Variants in FGF13 observed in about 807,000 individuals in gnomAD.
FGF13 encodes the protein fibroblast growth factor 13, also known as fibroblast growth factor homologous factor 2.
A neutral mutation model predicts 19.5 loss-of-function variants in FGF13; 2 were observed. The observed-to-expected ratio is 0.10, with a 90% CI of 0.04 to 0.32. The LOEUF (loss-of-function observed/expected upper bound fraction) is 0.32. Among genes scored for constraint, FGF13 ranks in the 10% least tolerant of loss-of-function variants. The pLI is 1.00. For synonymous variants in FGF13, 72 were observed against 76.9 expected, an observed-to-expected ratio of 0.94 and a Z score of 0.33; for missense variants, 113 against 192.7, an observed-to-expected ratio of 0.59 and a Z score of 2.45.
intron 1 of FGF13, among the ~76,000 whole-genome samples, chrX:138,709,259 G>A (rs889912023): frequency 3.6e-5 from 4 of 112,229 alleles, no homozygotes; most frequent in Non-Finnish European, 5.6e-5. Context: ...TTTTGAAATT[G>A]TGCTACTTTT....
Position 138,615,499 on chromosome X carries a change from G to GA in FGF13, c.*17350dup, listed in dbSNP as rs2088960282. The GA allele has an allele frequency of 9.0e-6, 1 of 111,020 alleles. No homozygotes were observed. The highest frequency in any genetic ancestry group is 3.3e-5 in the African/African-American group (1 of 30,501). The allele number at this position is 111,020 out of a possible 1,213,427, so 9.1% of individuals were successfully genotyped here. A position where few individuals can be genotyped will look rare whatever the true frequency, so the allele number is the denominator to read the frequency against. On this transcript the variant is annotated 3_prime_UTR_variant, in exon 5 of 5. Transcript: ENST00000315930. ...TCTTCATATGAAGATAAGGTATAGG[G>GA]AAGAGTCATATCTAGTATTTGGGAA... is the stretch of plus-strand genomic sequence containing the variant.
At chrX:139,101,289 G>C (rs889459301) in intron 1 of FGF13, among the ~76,000 whole-genome samples, 6 of 112,076 alleles carry the variant, frequency 5.4e-5, no homozygotes, top group African/African-American at 1.9e-4. Context: ...TTAATATTAT[G>C]GTTTCGTTAG....
At chrX:139,156,143 G>C (rs1384495890) in intron 1 of FGF13, among the ~76,000 whole-genome samples, 1 of 112,071 alleles carries the variant, frequency 8.9e-6, no homozygotes, top group Non-Finnish European at 1.9e-5. Context: ...TGTTTTGTCA[G>C]GGTTGAGCCC....
chrX:139,172,082 A>G (rs1300034486), intron 1 of FGF13, among the ~76,000 whole-genome samples: 2 of 112,297 alleles, frequency 1.8e-5, no homozygotes, highest in East Asian at 5.6e-4. Context: ...AACTAACTTC[A>G]TCAAGATATG....
intron 1 of FGF13, among the ~76,000 whole-genome samples, chrX:139,085,154 T>A (rs755702144): frequency 8.9e-6 from 1 of 112,027 alleles, no homozygotes; most frequent in East Asian, 2.8e-4. Flanking sequence ...CTTTCCAAGA[T>A]AACTGGTGCG....
At chrX:138,912,090 A>G (rs939282258) in intron 1 of FGF13, among the ~76,000 whole-genome samples, 4 of 111,353 alleles carry the variant, frequency 3.6e-5, no homozygotes, top group Non-Finnish European at 7.5e-5. Context: ...AAAAAATACT[A>G]AACCAGACAA....
intron 1 of FGF13, among the ~76,000 whole-genome samples, chrX:139,013,788 C>A (rs1245248663): frequency 9.2e-6 from 1 of 108,484 alleles, no homozygotes; most frequent in Non-Finnish European, 1.9e-5. Context: ...GTACACTGCT[C>A]GGGTGATGGG....
At chrX:138,792,394 G>GAAATAAAT (rs1191457460) in intron 3 of FGF13, among the ~76,000 whole-genome samples, 2 of 111,743 alleles carry the variant, frequency 1.8e-5, no homozygotes, top group African/African-American at 6.5e-5. Flanking sequence ...GCAGAGCCAG[G>GAAATAAAT]AAATAAACCC....
chrX:138,925,202 T>C (rs1012385606), intron 1 of FGF13, among the ~76,000 whole-genome samples: 1 of 111,879 alleles, frequency 8.9e-6, no homozygotes, highest in African/African-American at 3.3e-5. Context: ...CAGATGTTGG[T>C]AGCCCCACTT....
intron 1 of FGF13, among the ~76,000 whole-genome samples, chrX:138,962,256 A>G (rs893293874): frequency 8.9e-6 from 1 of 112,305 alleles, no homozygotes; most frequent in African/African-American, 3.2e-5. Flanking sequence ...GCTCATCATC[A>G]CTGGTCCTCA....
In FGF13 at chrX:138,644,995, G is replaced by T. The variant is rs763353287; in HGVS notation, c.403-9340C>A. On this transcript the variant is annotated intron_variant, in intron 3 of 4. Transcript: ENST00000315930. ...TCTACTCATCAGCCCCTTGAAAGGA[G>T]CTACATGAGAGGATGCTAGTGGCAG... 2.7e-5 allele frequency among the ~76,000 whole-genome samples: 3 copies of T among 112,162 alleles called. No homozygotes were observed. The Admixed American group carries it at 2.8e-4, about 11-fold the overall frequency.
At chrX:138,912,213 T>TC (rs2091591532) in intron 1 of FGF13, among the ~76,000 whole-genome samples, 2 of 112,103 alleles carry the variant, frequency 1.8e-5, no homozygotes, top group Admixed American at 1.9e-4. Flanking sequence ...CAATCTGTCT[T>TC]CCCCTTTATC....
intron 3 of FGF13, among the ~76,000 whole-genome samples, chrX:138,795,222 T>C (rs2090769845): frequency 8.9e-6 from 1 of 112,190 alleles, no homozygotes; most frequent in Admixed American, 9.5e-5. Context: ...GCTAAAAATA[T>C]CCTGAGTCTA....
At chrX:139,180,292 C>T (rs1279577672) in intron 1 of FGF13, among the ~76,000 whole-genome samples, 1 of 112,129 alleles carries the variant, frequency 8.9e-6, no homozygotes, top group Non-Finnish European at 1.9e-5. Flanking sequence ...AATTAGAATG[C>T]AAATTCTTTG....
At chrX:138,783,853 GAC>G (rs1202271379) in intron 3 of FGF13, among the ~76,000 whole-genome samples, 1 of 110,466 alleles carries the variant, frequency 9.1e-6, no homozygotes, top group Non-Finnish European at 1.9e-5. Flanking sequence ...CTGCTATAAA[GAC>G]ACATGCACAT....
intron 3 of FGF13, chrX:138,806,553 T>A (rs1050869759): frequency 1.8e-5 from 2 of 112,263 alleles, no homozygotes; most frequent in African/African-American, 6.5e-5. Context: ...CAGAAGAGTA[T>A]TTAAATTCAT....
chrX:139,142,662 T>G (rs1298479126), intron 1 of FGF13, among the ~76,000 whole-genome samples: 1 of 111,928 alleles, frequency 8.9e-6, no homozygotes, highest in Non-Finnish European at 1.9e-5. Flanking sequence ...CTTGGAGCCT[T>G]GGTTTCCTCC....
chrX:138,653,275 T>C (rs965809699), intron 3 of FGF13, among the ~76,000 whole-genome samples: 4 of 111,102 alleles, frequency 3.6e-5, no homozygotes, highest in African/African-American at 1.3e-4. Context: ...ATTAACCAAA[T>C]ACATGCCACA....
At chrX:138,897,206 C>A (rs1308278900) in intron 1 of FGF13, among the ~76,000 whole-genome samples, 1 of 111,608 alleles carries the variant, frequency 9.0e-6, no homozygotes, top group East Asian at 2.8e-4. Context: ...GATGGGGTTT[C>A]GCCATGTTGC....
Sources: allele counts gnomAD v4.1 joint callset (sites outside exome capture counted in the v4.1 genomes callset), GRCh38; gene constraint gnomAD v4.1.1; transcripts MANE v1.5; gene names NCBI Gene and HGNC (gene_info 2026-07-23, HGNC 2026-07-21).